Variants in TLL2 observed in about 807,000 individuals in gnomAD.
TLL2 encodes the protein tolloid like 2.
A neutral mutation model predicts 123.0 loss-of-function variants in TLL2; 106 were observed. The ratio of observed to expected loss-of-function variants is 0.86; its 90% CI spans 0.74 to 1.01. The LOEUF (loss-of-function observed/expected upper bound fraction) is 1.01, where lower values mean the gene tolerates loss of function less well. Ranked by LOEUF, TLL2 falls within the 50% of genes least tolerant of loss-of-function variation. The pLI, the probability that TLL2 is intolerant of heterozygous loss-of-function variation, is 0.00. For synonymous variants in TLL2, 494 were observed against 516.8 expected, an observed-to-expected ratio of 0.96 and a Z score of 0.60; for missense variants, 1,332 against 1,336.7, an observed-to-expected ratio of 1.00 and a Z score of 0.06.
intron 3 of TLL2, among the ~76,000 whole-genome samples, chr10:96,434,872 T>C (rs2134082112): frequency 6.6e-6 from 1 of 152,304 alleles, no homozygotes; most frequent in East Asian, 1.9e-4. Flanking sequence ...TTTTTTATTA[T>C]AGTCATCCTA....
At position 96,422,540 on chromosome 10, in the gene TLL2, C is replaced by A. The variant is rs1445812357; in HGVS notation, c.817+9G>T. The A allele has an allele frequency of 1.9e-6, 3 of 1,613,884 alleles. No homozygotes were observed. Among genetic ancestry groups the A allele is most frequent in the East Asian group, 2.2e-5 (1 of 44,878 alleles). On this transcript the variant is annotated intron_variant, in intron 6 of 20. Transcript: ENST00000357947. ...CGGTGCCTTCCAGACTCCACACAGG[C>A]CTCCTTACCTGGCTGGATGTTTTCC...
At chr10:96,499,338 G>A (rs1031941621) in intron 1 of TLL2, among the ~76,000 whole-genome samples, 1 of 152,364 alleles carries the variant, frequency 6.6e-6, no homozygotes, top group African/African-American at 2.4e-5. Context: ...CCCGGGATGG[G>A]TGGAGGTGGG....
At chr10:96,434,635 C>T (rs150499584) in intron 3 of TLL2, among the ~76,000 whole-genome samples, 13 of 152,228 alleles carry the variant, frequency 8.5e-5, no homozygotes, top group East Asian at 5.8e-4. Context: ...TTAGGAATAA[C>T]GCTTCTATGA....
intron 4 of TLL2, among the ~76,000 whole-genome samples, chr10:96,431,004 C>T (rs1052871733): frequency 8.5e-5 from 13 of 152,168 alleles, no homozygotes; most frequent in Non-Finnish European, 4.4e-5. Context: ...CTCAATCGCT[C>T]ACCAAAAATA....
At chr10:96,388,897 T>A (rs1192903917) in intron 13 of TLL2, among the ~76,000 whole-genome samples, 2 of 152,202 alleles carry the variant, frequency 1.3e-5, no homozygotes, top group East Asian at 1.9e-4. Flanking sequence ...CAATAAAAAC[T>A]TATATAAATT....
intron 4 of TLL2, among the ~76,000 whole-genome samples, chr10:96,432,561 G>T (rs1001234998): frequency 2.0e-5 from 3 of 152,128 alleles, no homozygotes; most frequent in African/African-American, 7.2e-5. Flanking sequence ...GTCCTTCCAG[G>T]TCACTCCCCA....
intron 3 of TLL2, among the ~76,000 whole-genome samples, chr10:96,437,930 C>T (rs947395069): frequency 9.9e-5 from 15 of 152,148 alleles, no homozygotes; most frequent in Admixed American, 7.9e-4. Context: ...ATTACTGGCT[C>T]ATATAGTAAT....
chr10:96,455,433 A>G (rs1847003209), intron 2 of TLL2, among the ~76,000 whole-genome samples: 1 of 152,150 alleles, frequency 6.6e-6, no homozygotes. Flanking sequence ...GCTGAGGCCT[A>G]CTGGGCTGCA....
chr10:96,460,383 G>A (rs1847069480), intron 2 of TLL2, among the ~76,000 whole-genome samples: 1 of 152,148 alleles, frequency 6.6e-6, no homozygotes, highest in Non-Finnish European at 1.5e-5. Context: ...GTATCTGGAG[G>A]TGGGACCTTT....
At position 96,365,244 on chromosome 10, in the gene TLL2, A is replaced by G. The variant is rs896417206; in HGVS notation, c.*2844T>C. 6.6e-6 allele frequency: 1 copy of G among 152,262 alleles called. No individual in the cohort carries two copies. Among genetic ancestry groups the G allele is most frequent in the African/African-American group, 2.4e-5 (1 of 41,468 alleles). 9.4% of individuals were successfully genotyped at this position (152,262 alleles called of 1,614,324 possible). A position where few individuals can be genotyped will look rare whatever the true frequency, so the allele number is the denominator to read the frequency against. On this transcript the variant is annotated 3_prime_UTR_variant, in exon 21 of 21. Coordinates refer to ENST00000357947, the MANE Select transcript of TLL2 (RefSeq NM_012465.4). ...AGAGAAATTGTAAAGTAGAAATAAA[A>G]AGGAAACTTCACCTTACAGGTAAAT...
At chr10:96,418,068 G>C (rs1374854274) in intron 7 of TLL2, among the ~76,000 whole-genome samples, 1 of 152,140 alleles carries the variant, frequency 6.6e-6, no homozygotes, top group Non-Finnish European at 1.5e-5. Flanking sequence ...TAGAGATTCT[G>C]GGGAATTTTG....
chr10:96,428,697 G>C lies in TLL2; in HGVS notation c.572C>G (p.Thr191Ser). Residue 191 changes from threonine to serine, a missense_variant, in exon 5 of 21, where the codon ACC (threonine) becomes AGC (serine). Thr to Ser is a moderately conservative substitution (Grantham distance 58). Transcript: ENST00000357947. ...KQAMRHWEKH[T>S]CVTFIERTDE... ...CGTCCTTTCTATGAAGGTCACACAG[G>C]TGTGCTTCTCCCAGTGTCTCATGGC... The C allele has an allele frequency of 9.9e-6, 16 of 1,614,010 alleles. No individual in the cohort carries two copies. Among genetic ancestry groups the C allele is most frequent in the Non-Finnish European group, 1.4e-5 (16 of 1,179,960 alleles).
intron 2 of TLL2, among the ~76,000 whole-genome samples, chr10:96,477,259 T>C (rs1847267840): frequency 6.6e-6 from 1 of 151,974 alleles, no homozygotes; most frequent in Non-Finnish European, 1.5e-5. Flanking sequence ...CCAAGTATGA[T>C]ATATATTTCA....
At position 96,368,019 on chromosome 10, in the gene TLL2, T is replaced by G; in HGVS notation, c.*69A>C. 6.3e-7 allele frequency: 1 copy of G among 1,587,164 alleles called. No homozygotes were observed. Among genetic ancestry groups the G allele is most frequent in the Non-Finnish European group, 8.6e-7 (1 of 1,163,160 alleles). On this transcript the variant is annotated 3_prime_UTR_variant, in exon 21 of 21. Transcript: ENST00000357947. Reference sequence around the variant, plus strand: ...ACTGTTTTAGGGCAGATTTTCAAGGTGCTATTGTTGTTAAAAACAAAACAA... The same window carrying G: ...ACTGTTTTAGGGCAGATTTTCAAGGGGCTATTGTTGTTAAAAACAAAACAA...
chr10:96,408,385 G>A (rs1349889501), intron 9 of TLL2, among the ~76,000 whole-genome samples: 1 of 152,202 alleles, frequency 6.6e-6, no homozygotes, highest in African/African-American at 2.4e-5. Flanking sequence ...GGAAAGCTGG[G>A]TGAAGCAGAA....
chr10:96,483,761 T>C (rs1220572006), intron 1 of TLL2, among the ~76,000 whole-genome samples: 1 of 152,186 alleles, frequency 6.6e-6, no homozygotes, highest in Non-Finnish European at 1.5e-5. Flanking sequence ...AGTCTATTAT[T>C]GTTCATCATT....
intron 2 of TLL2, among the ~76,000 whole-genome samples, chr10:96,476,183 A>G (rs1847242673): frequency 7.1e-6 from 1 of 141,818 alleles, no homozygotes; most frequent in Non-Finnish European, 1.5e-5. Flanking sequence ...TGGAAGTAGG[A>G]AAAGAGGATA....
At chr10:96,414,233 A>G (rs1846533370) in intron 7 of TLL2, among the ~76,000 whole-genome samples, 1 of 152,056 alleles carries the variant, frequency 6.6e-6, no homozygotes, top group Admixed American at 6.5e-5. Flanking sequence ...CCTCTCCTTG[A>G]ATCAGCATCT....
At chr10:96,448,308 C>T (rs1479479854) in intron 2 of TLL2, among the ~76,000 whole-genome samples, 2 of 152,212 alleles carry the variant, frequency 1.3e-5, no homozygotes, top group African/African-American at 4.8e-5. Context: ...GGCTAAAGGT[C>T]AGGGGAATTC....
Sources: gnomAD v4.1 joint callset for allele counts (sites outside exome capture counted in the v4.1 genomes callset) on GRCh38, gnomAD v4.1.1 for gene constraint, MANE v1.5 for transcripts, NCBI Gene and HGNC (gene_info 2026-07-23, HGNC 2026-07-21) for gene names.